The following MTSS2 variants were observed in gnomAD, a reference collection of about 807,000 sequenced individuals.
MTSS2 encodes protein MTSS 2.
Under a neutral mutation model 67.1 loss-of-function variants are expected in MTSS2, and 27 were observed. That is an observed-to-expected ratio of 0.40 (90% CI 0.30 to 0.55). The LOEUF (loss-of-function observed/expected upper bound fraction) is 0.55. MTSS2 is among the 20% of genes least tolerant of loss of function. MTSS2 has a pLI of 0.43. For missense variants in MTSS2, 1,171 were observed against 1,067.8 expected, an observed-to-expected ratio of 1.10 and a Z score of -1.35; for synonymous variants, 624 against 468.6, an observed-to-expected ratio of 1.33 and a Z score of -4.28.
intron 8 of MTSS2, 40 bp downstream of exon 8, chr16:70,678,212 C>T (rs1567502561): frequency 3.2e-6 from 5 of 1,566,266 alleles, no homozygotes; most frequent in South Asian, 1.2e-5. Flanking sequence ...ACCCTGGGCC[C>T]AGCCCACCCC....
At chr16:70,676,799 C>T in intron 10 of MTSS2, 82 bp downstream of exon 10, 1 of 1,240,442 alleles carries the variant, frequency 8.1e-7, no homozygotes, top group Admixed American at 1.9e-5. Flanking sequence ...GAAGCAATTT[C>T]TGATGCAATT....
Position 70,662,763 on chromosome 16 carries a change from CAT to C in MTSS2, c.*912_*913del, listed in dbSNP as rs1567477631. ...ACAGTCAGCTCCATTTTATTATATT[CAT>C]AAAATGACCCCACACCTCCTACTGC... On this transcript the variant is annotated 3_prime_UTR_variant, in exon 15 of 15. Coordinates refer to ENST00000338779, the MANE Select transcript of MTSS2 (RefSeq NM_138383.3). The C allele has an allele frequency of 6.6e-6, 1 of 152,626 alleles. No homozygotes were observed. Among genetic ancestry groups the C allele is most frequent in the East Asian group, 1.9e-4 (1 of 5,184 alleles). 9.5% of individuals were successfully genotyped at this position (152,626 alleles called of 1,614,324 possible). A position where few individuals can be genotyped will look rare whatever the true frequency, so the allele number is the denominator to read the frequency against.
rs376622110 is a variant in MTSS2, at chr16:70,665,049, C to G, written c.1176G>C (p.Leu392=). 2.5e-6 allele frequency: 4 copies of G among 1,597,808 alleles called. No homozygotes were observed. In the East Asian group the frequency reaches 8.9e-5, roughly 36 times the overall value. The change falls in exon 13 of 15, where the codon CTG becomes CTC. Residue 392 remains leucine, a synonymous_variant. Coordinates refer to ENST00000338779, the MANE Select transcript of MTSS2 (RefSeq NM_138383.3). ...GSHEQPSGAT[L]QRRKDRVELL... ...GCTCCACTCGGTCCTTCCTCCGCTG[C>G]AGAGTGGCGCCTGAGGGCTGCTCAT...
chr16:70,685,655 G>T, intron 1 of MTSS2, 68 bp downstream of exon 1: 1 of 998,974 alleles, frequency 1.0e-6, no homozygotes, highest in Non-Finnish European at 1.2e-6. Flanking sequence ...TCGGCCACCC[G>T]CCGCCACGCG....
chr16:70,667,030 C>A (rs779111798), intron 11 of MTSS2, among the ~76,000 whole-genome samples: 1 of 152,072 alleles, frequency 6.6e-6, no homozygotes, highest in Non-Finnish European at 1.5e-5. Context: ...AATCCCAGCA[C>A]TTTGGGAGGC....
At chr16:70,676,807 A>G (rs2053129991) in intron 10 of MTSS2, 74 bp downstream of exon 10, 3 of 1,332,758 alleles carry the variant, frequency 2.3e-6, no homozygotes, top group African/African-American at 2.9e-5. Flanking sequence ...TTCTGATGCA[A>G]TTTTGCTGGG....
In MTSS2 at chr16:70,665,474, G is replaced by C; in HGVS notation, c.1120C>G (p.Pro374Ala). The change falls in exon 12 of 15, where the codon CCC (proline) becomes GCC (alanine). Residue 374 changes from proline to alanine, a missense_variant. Pro to Ala is a conservative substitution (Grantham distance 27). Transcript: ENST00000338779. ...TCQSVSECSS[P>A]TSDWSKVGSH... is the part of the protein sequence containing the mutation. ...GGGCTGGGAGCACTGACCGAGGTGG[G>C]GGAGCTGCACTCGCTAACGGACTGG... 1 of 1,555,508 alleles carries C rather than the reference G, an allele frequency of 6.4e-7. No homozygotes were observed. The highest frequency in any genetic ancestry group is 8.7e-7 in the Non-Finnish European group (1 of 1,150,640).
chr16:70,667,392 AG>A (rs2052756524), intron 11 of MTSS2, among the ~76,000 whole-genome samples: 1 of 152,172 alleles, frequency 6.6e-6, no homozygotes. Context: ...CCCTTTAACA[AG>A]ATTATTAGAA....
chr16:70,664,253 G>A lies in MTSS2; in HGVS notation c.1668C>T (p.Gly556=), dbSNP rs200537225. 134 of 1,558,454 alleles carry A rather than the reference G, an allele frequency of 8.6e-5. No homozygotes were observed. The highest frequency in any genetic ancestry group is 1.1e-4 in the Non-Finnish European group (122 of 1,159,198). The change falls in exon 15 of 15, where the codon GGC becomes GGT. Residue 556 remains glycine, a synonymous_variant. Transcript: ENST00000338779. ...GGATGGTGGCCACGCCGGGGGGTGC[G>A]CCCGAGGGCAGGCCAGTGGCCGTGG... ...GLPTATGLPS[G]APPGVATIRR...
chr16:70,669,818 T>TAACAAAA (rs112395557), intron 11 of MTSS2, among the ~76,000 whole-genome samples: 2 of 145,816 alleles, frequency 1.4e-5, no homozygotes, highest in African/African-American at 5.1e-5. Context: ...CTCTGTCTCA[T>TAACAAAA]AAAAAAAAAA....
At position 70,679,571 on chromosome 16, in the gene MTSS2, C is replaced by T. The variant is rs547440445; in HGVS notation, c.457+59G>A. On this transcript the variant is annotated intron_variant, in intron 6 of 14. Coordinates refer to ENST00000338779, the MANE Select transcript of MTSS2 (RefSeq NM_138383.3). The stretch of plus-strand genomic sequence containing the variant: ...GAAGGCTTTGGGGCGCCCCACGGGG[C>T]GGTGGGGCTGTGGAGCGGGGCCGTG... 91 of 1,510,440 alleles carry T rather than the reference C, an allele frequency of 6.0e-5. No homozygotes were observed. In the Admixed American group the frequency reaches 7.1e-4, roughly 12 times the overall value. 93.6% of individuals were successfully genotyped at this position (1,510,440 alleles called of 1,614,324 possible).
chr16:70,674,285 ATCC>A lies in MTSS2; in HGVS notation c.1053+18_1053+20del. 4 of 1,607,512 alleles carry A rather than the reference ATCC, an allele frequency of 2.5e-6. No individual in the cohort carries two copies. The highest frequency in any genetic ancestry group is 1.1e-5 in the South Asian group (1 of 90,020). ...AGGCTGCTGCACCCCACCCTGACTGATCCTCCTAACGCCCCCTCACCTGGCTGG... is the reference window on the plus strand; with the variant it reads ...AGGCTGCTGCACCCCACCCTGACTGATCCTAACGCCCCCTCACCTGGCTGG... On this transcript the variant is annotated intron_variant, in intron 11 of 14. Coordinates refer to ENST00000338779, the MANE Select transcript of MTSS2 (RefSeq NM_138383.3).
At chr16:70,678,563 G>A in intron 7 of MTSS2, 154 bp from the exon 8 acceptor site, 1 of 851,010 alleles carries the variant, frequency 1.2e-6, no homozygotes, top group Non-Finnish European at 1.8e-6. Flanking sequence ...AGGACTCTGG[G>A]GCTTGTGGAA....
At position 70,685,879 on chromosome 16, in the gene MTSS2, C is replaced by T; in HGVS notation, c.-88G>A. 1 of 701,328 alleles carries T rather than the reference C, an allele frequency of 1.4e-6. No homozygotes were observed. Among genetic ancestry groups the T allele is most frequent in the Non-Finnish European group, 1.7e-6 (1 of 574,784 alleles). 43.4% of individuals were successfully genotyped at this position (701,328 alleles called of 1,614,324 possible). A position where few individuals can be genotyped will look rare whatever the true frequency, so the allele number is the denominator to read the frequency against. ...GAGGGGGCCAGGCCGCGCGGGCGCT[C>T]GCTCCGAGGCCGGGCCGGGCCTCCC... On this transcript the variant is annotated 5_prime_UTR_variant, in exon 1 of 15. Transcript: ENST00000338779.
chr16:70,663,640 C>G lies in MTSS2; in HGVS notation c.*37G>C. 2 of 1,517,882 alleles carry G rather than the reference C, an allele frequency of 1.3e-6. No homozygotes were observed. Among genetic ancestry groups the G allele is most frequent in the South Asian group, 1.3e-5 (1 of 76,846 alleles). 94.0% of individuals were successfully genotyped at this position (1,517,882 alleles called of 1,614,324 possible). A position where few individuals can be genotyped will look rare whatever the true frequency, so the allele number is the denominator to read the frequency against. ...CGGCTCACAGACCAGGCCACCTGCTCGCACTGGGGCCTGAGAGGATGGGGA... is the reference window on the plus strand; with the variant it reads ...CGGCTCACAGACCAGGCCACCTGCTGGCACTGGGGCCTGAGAGGATGGGGA... On this transcript the variant is annotated 3_prime_UTR_variant, in exon 15 of 15. Transcript: ENST00000338779.
At chr16:70,678,032 G>T in intron 8 of MTSS2, 133 bp from the exon 9 acceptor site, 2 of 960,744 alleles carry the variant, frequency 2.1e-6, no homozygotes, top group Middle Eastern at 2.4e-4. Context: ...GCTGCTCGGG[G>T]CTGGTGCAGG....
chr16:70,679,384 C>G, intron 6 of MTSS2, 61 bp from the exon 7 acceptor site: 1 of 1,601,182 alleles, frequency 6.2e-7, no homozygotes, highest in Non-Finnish European at 8.6e-7. Context: ...GTGTGAAAGA[C>G]GCCGGATGGA....
chr16:70,679,193 C>T (rs952642105), intron 7 of MTSS2, 122 bp downstream of exon 7: 8 of 1,310,794 alleles, frequency 6.1e-6, no homozygotes, highest in Admixed American at 5.3e-5. Flanking sequence ...CCTCGTGGAC[C>T]GACCGCCTTC....
chr16:70,685,745 TG>T lies in MTSS2; in HGVS notation c.46del (p.Gln16ArgfsTer3). On this transcript the variant is annotated frameshift_variant, in exon 1 of 15. Coordinates refer to ENST00000338779, the MANE Select transcript of MTSS2 (RefSeq NM_138383.3). LOFTEE classifies it high-confidence loss of function. ...KECGALGGLF[Q>X]AIVNDMKSSY... ...TACCTTCATGTCGTTGACTATGGCC[TG>T]GAAGAGCCCGCCCAGGGCGCCGCAC... 2 of 1,387,110 alleles carry T rather than the reference TG, an allele frequency of 1.4e-6. No individual in the cohort carries two copies. Among genetic ancestry groups the T allele is most frequent in the Non-Finnish European group, 1.9e-6 (2 of 1,050,054 alleles). 85.9% of individuals were successfully genotyped at this position (1,387,110 alleles called of 1,614,324 possible).
Sources: allele counts gnomAD v4.1 joint callset (sites outside exome capture counted in the v4.1 genomes callset), GRCh38; gene constraint gnomAD v4.1.1; transcripts MANE v1.5; gene names NCBI Gene and HGNC (gene_info 2026-07-23, HGNC 2026-07-21).